The following SPESP1 variants were observed in gnomAD, a reference collection of about 807,000 sequenced individuals.
SPESP1 encodes equatorial segment protein.
Under a neutral mutation model 3.1 loss-of-function variants are expected in SPESP1, and 1 was observed. The ratio of observed to expected loss-of-function variants is 0.33; its 90% CI spans 0.12 to 1.54. The LOEUF (loss-of-function observed/expected upper bound fraction) is 1.54, where lower values mean the gene tolerates loss of function less well. Ranked by LOEUF, SPESP1 falls within the 40% of genes most tolerant of loss-of-function variation. The pLI, the probability that SPESP1 is intolerant of heterozygous loss-of-function variation, is 0.38. For synonymous variants in SPESP1, 138 were observed against 150.7 expected (o/e 0.92, Z 0.62); for missense variants, 398 against 410.1 (o/e 0.97, Z 0.26).
rs554968566 is a variant in SPESP1, at chr15:68,936,257, A to G, written c.64+5540A>G. On this transcript the variant is annotated intron_variant, in intron 1 of 1. Coordinates refer to ENST00000310673, the MANE Select transcript of SPESP1 (RefSeq NM_145658.4). ...CCTAGTTATATTCAAATCTTTAACA[A>G]AATGAGCATCCATAATTGGTGATTA... Among the ~76,000 whole-genome samples, 27 of 152,374 alleles carry G rather than the reference A, an allele frequency of 1.8e-4. No individual in the cohort carries two copies. In the South Asian group the frequency reaches 5.6e-3, roughly 32 times the overall value.
Position 68,944,397 on chromosome 15 carries a change from C to A in SPESP1, c.65-1202C>A, listed in dbSNP as rs77008099. ...TCTCCACATTAGATAGACGCCCCAA[C>A]AATACCCTTGGGCTTTTTTTGTCTT... On this transcript the variant is annotated intron_variant, in intron 1 of 1. Coordinates refer to ENST00000310673, the MANE Select transcript of SPESP1 (RefSeq NM_145658.4). Among the ~76,000 whole-genome samples the A allele has an allele frequency of 9.8e-3, 1,471 of 150,374 alleles. 16 individuals carry two copies. Among genetic ancestry groups the A allele is most frequent in the East Asian group, 0.043 (217 of 5,094 alleles).
chr15:68,940,289 A>G (rs1027862875), intron 1 of SPESP1, among the ~76,000 whole-genome samples: 3 of 152,056 alleles, frequency 2.0e-5, no homozygotes, highest in South Asian at 2.1e-4. Context: ...ACTCTCCCCA[A>G]TTTCTCGGGC....
chr15:68,944,361 C>G (rs1458818289), intron 1 of SPESP1, among the ~76,000 whole-genome samples: 2 of 147,854 alleles, frequency 1.4e-5, no homozygotes, highest in East Asian at 3.9e-4. Context: ...GGAGACCCCT[C>G]AAAAAAAGAC....
chr15:68,943,345 A>G (rs532768816), intron 1 of SPESP1, among the ~76,000 whole-genome samples: 15 of 152,308 alleles, frequency 9.8e-5, no homozygotes, highest in African/African-American at 3.4e-4. Context: ...TTCACTTATC[A>G]TCATCATATG....
chr15:68,943,492 T>A (rs987024532), intron 1 of SPESP1, among the ~76,000 whole-genome samples: 2 of 152,230 alleles, frequency 1.3e-5, no homozygotes, highest in Non-Finnish European at 2.9e-5. Flanking sequence ...AAGAATTTTT[T>A]AATAATCAGC....
At position 68,942,462 on chromosome 15, in the gene SPESP1, G is replaced by A. The variant is rs1408755114; in HGVS notation, c.65-3137G>A. ...TTGCATTGACTAGTATCTCCAACAT[G>A]ATGTTAAATATTAACAGTAATGAAG... On this transcript the variant is annotated intron_variant, in intron 1 of 1. Transcript: ENST00000310673. Among the ~76,000 whole-genome samples, 4 of 152,066 alleles carry A rather than the reference G, an allele frequency of 2.6e-5. No individual in the cohort carries two copies. The East Asian group carries it at 7.7e-4, about 29-fold the overall frequency.
chr15:68,939,283 GA>G (rs1895758118), intron 1 of SPESP1, among the ~76,000 whole-genome samples: 1 of 152,208 alleles, frequency 6.6e-6, no homozygotes, highest in African/African-American at 2.4e-5. Context: ...GGTAAAAATA[GA>G]TGGGATATTA....
intron 1 of SPESP1, among the ~76,000 whole-genome samples, chr15:68,935,138 G>T (rs1416211326): frequency 2.0e-5 from 3 of 152,188 alleles, no homozygotes; most frequent in Admixed American, 2.0e-4. Flanking sequence ...AGAACTAGAA[G>T]AGAAAGATTT....
chr15:68,933,259 A>T (rs1309040747), intron 1 of SPESP1, among the ~76,000 whole-genome samples: 1 of 152,214 alleles, frequency 6.6e-6, no homozygotes, highest in East Asian at 1.9e-4. Context: ...TAACAGGCCC[A>T]ATCCAAGCTT....
intron 1 of SPESP1, among the ~76,000 whole-genome samples, chr15:68,933,520 AACTT>A (rs1396266775): frequency 1.3e-5 from 2 of 152,106 alleles, no homozygotes; most frequent in Admixed American, 6.6e-5. Flanking sequence ...TGCACTGTGC[AACTT>A]ACTTTACTTT....
intron 1 of SPESP1, among the ~76,000 whole-genome samples, chr15:68,937,607 C>T (rs1003983820): frequency 2.0e-5 from 3 of 152,022 alleles, no homozygotes; most frequent in Admixed American, 6.6e-5. Flanking sequence ...CTTTAAGTTC[C>T]CTCCCCTCAC....
chr15:68,932,394 CTT>C (rs545306317), intron 1 of SPESP1, among the ~76,000 whole-genome samples: 1 of 147,062 alleles, frequency 6.8e-6, no homozygotes, highest in Non-Finnish European at 1.5e-5. Flanking sequence ...TTTTCCCCCC[CTT>C]TTTTTTTTGC....
intron 1 of SPESP1, among the ~76,000 whole-genome samples, chr15:68,943,912 G>A (rs1001351313): frequency 6.6e-6 from 1 of 151,992 alleles, no homozygotes; most frequent in African/African-American, 2.4e-5. Flanking sequence ...GTCTTTCTAA[G>A]TTGTAACAGA....
intron 1 of SPESP1, among the ~76,000 whole-genome samples, chr15:68,940,317 GA>G (rs1290592580): frequency 2.0e-5 from 3 of 151,978 alleles, no homozygotes; most frequent in African/African-American, 7.2e-5. Flanking sequence ...ATGTAGAAGC[GA>G]ATTCTAGACA....
rs1159712467 is a variant in SPESP1, at chr15:68,930,661, C to T, written c.8C>T (p.Pro3Leu). Residue 3 changes from proline (P) to leucine (L), a missense_variant, in exon 1 of 2, where the codon CCC becomes CTC. Physicochemically the swap from Pro to Leu is moderately conservative, Grantham distance 98 (BLOSUM62 -3). Coordinates refer to ENST00000310673, the MANE Select transcript of SPESP1 (RefSeq NM_145658.4). Reference sequence around the variant, plus strand: ...GTGCTACGGACGACGCCTATGAAGCCCTTAGTCCTTCTAGTTGCGCTTTTG... The same window carrying T: ...GTGCTACGGACGACGCCTATGAAGCTCTTAGTCCTTCTAGTTGCGCTTTTG... MKPLVLLVALLLW... is the reference protein window; with the variant it reads MKLLVLLVALLLW... The T allele has an allele frequency of 6.2e-7, 1 of 1,613,884 alleles. No homozygotes were observed. Among genetic ancestry groups the T allele is most frequent in the African/African-American group, 1.3e-5 (1 of 74,932 alleles).
chr15:68,940,736 C>G (rs1327797028), intron 1 of SPESP1, among the ~76,000 whole-genome samples: 2 of 149,730 alleles, frequency 1.3e-5, no homozygotes, highest in Non-Finnish European at 3.0e-5. Flanking sequence ...TCTAGGGAGA[C>G]CTACTGGATT....
intron 1 of SPESP1, among the ~76,000 whole-genome samples, chr15:68,935,357 G>A (rs1439466930): frequency 1.3e-5 from 2 of 152,150 alleles, no homozygotes; most frequent in Non-Finnish European, 2.9e-5. Flanking sequence ...TGCTTCATAT[G>A]GTATAGCTGA....
At chr15:68,932,394 C>CCT (rs1567061481) in intron 1 of SPESP1, among the ~76,000 whole-genome samples, 2 of 147,156 alleles carry the variant, frequency 1.4e-5, no homozygotes, top group Admixed American at 6.8e-5. Context: ...TTTTCCCCCC[C>CCT]TTTTTTTTTT....
intron 1 of SPESP1, among the ~76,000 whole-genome samples, chr15:68,935,069 C>T (rs985503640): frequency 2.6e-5 from 4 of 152,076 alleles, no homozygotes; most frequent in South Asian, 2.1e-4. Context: ...AAAGTGCCTG[C>T]GATACATACT....
Sources: gnomAD v4.1 joint callset for allele counts (sites outside exome capture counted in the v4.1 genomes callset) on GRCh38, gnomAD v4.1.1 for gene constraint, MANE v1.5 for transcripts, NCBI Gene and HGNC (gene_info 2026-07-23, HGNC 2026-07-21) for gene names.